Variants in HS3ST2 observed in about 807,000 individuals in gnomAD.
The protein encoded by HS3ST2 is heparan sulfate glucosamine 3-O-sulfotransferase 2.
Under a neutral mutation model 26.3 loss-of-function variants are expected in HS3ST2, and 17 were observed. The ratio of observed to expected loss-of-function variants is 0.65; its 90% CI spans 0.44 to 0.97. The LOEUF is 0.97. Among genes scored for constraint, HS3ST2 ranks in the 50% least tolerant of loss-of-function variants. The pLI is 0.00. For synonymous variants in HS3ST2, 237 were observed against 219.2 expected, an observed-to-expected ratio of 1.08 and a Z score of -0.72; for missense variants, 402 against 501.2, an observed-to-expected ratio of 0.80 and a Z score of 1.89.
At chr16:22,901,516 C>T (rs961364726) in intron 1 of HS3ST2, among the ~76,000 whole-genome samples, 1 of 152,124 alleles carries the variant, frequency 6.6e-6, no homozygotes, top group Non-Finnish European at 1.5e-5. Context: ...TTATGGGGTC[C>T]ACTTCCAGGG....
Position 22,814,282 on chromosome 16 carries a change from G to T in HS3ST2, c.-329G>T. ...GAGCGGCGCTCCGAGGATCAGGAAT[G>T]GGGCTTCGGGCGCTGGGCGCGCTCC... On this transcript the variant is annotated 5_prime_UTR_variant, in exon 1 of 2. It removes an upstream start codon present in the reference 5' UTR. Transcript: ENST00000261374. The T allele has an allele frequency of 3.9e-6, 1 of 256,972 alleles. No homozygotes were observed. The highest frequency in any genetic ancestry group is 1.1e-3 in the Middle Eastern group (1 of 888). The allele number at this position is 256,972 out of a possible 1,614,324, so 15.9% of individuals were successfully genotyped here.
At chr16:22,914,440 A>G (rs941265517) in intron 1 of HS3ST2, among the ~76,000 whole-genome samples, 5 of 151,940 alleles carry the variant, frequency 3.3e-5, no homozygotes, top group African/African-American at 1.2e-4. Flanking sequence ...AAATAAGAAA[A>G]AAAGCCTGTA....
intron 1 of HS3ST2, among the ~76,000 whole-genome samples, chr16:22,867,034 G>A: frequency 6.6e-6 from 1 of 152,194 alleles, no homozygotes; most frequent in Non-Finnish European, 1.5e-5. Flanking sequence ...TGAACATGGA[G>A]AGTAGGATTA....
chr16:22,893,891 G>T (rs1166724621), intron 1 of HS3ST2, among the ~76,000 whole-genome samples: 7 of 152,062 alleles, frequency 4.6e-5, no homozygotes, highest in Admixed American at 2.6e-4. Flanking sequence ...AGGCTCAAGC[G>T]ATCTTCCACC....
intron 1 of HS3ST2, among the ~76,000 whole-genome samples, chr16:22,855,265 C>A (rs1412381223): frequency 6.6e-6 from 1 of 152,112 alleles, no homozygotes; most frequent in Non-Finnish European, 1.5e-5. Flanking sequence ...ATGGATTCTT[C>A]TAGTAGTTTC....
intron 1 of HS3ST2, among the ~76,000 whole-genome samples, chr16:22,856,397 A>G (rs761684842): frequency 9.2e-5 from 14 of 152,214 alleles, no homozygotes; most frequent in Admixed American, 3.9e-4. Flanking sequence ...GTGACCTGCA[A>G]TTCCTTTCCC....
chr16:22,898,120 T>C (rs556475562), intron 1 of HS3ST2, among the ~76,000 whole-genome samples: 1 of 152,300 alleles, frequency 6.6e-6, no homozygotes, highest in South Asian at 2.1e-4. Context: ...ATTTGGTGGG[T>C]ATGATTCATT....
intron 1 of HS3ST2, among the ~76,000 whole-genome samples, chr16:22,900,047 C>T (rs1902263029): frequency 6.6e-6 from 1 of 152,192 alleles, no homozygotes; most frequent in African/African-American, 2.4e-5. Flanking sequence ...TCCTGGCACC[C>T]AGTGTTGCCT....
rs2141170994 is a variant in HS3ST2, at chr16:22,814,868, C to T, written c.258C>T (p.Pro86=). 1 of 1,559,266 alleles carries T rather than the reference C, an allele frequency of 6.4e-7. No individual in the cohort carries two copies. ...CGACGCCCAGCGAGCCCAGCGCTCC[C>T]AGCGCGCCCGCCGCCGCCGTGCCCG... The part of the protein sequence containing the change: ...SGPTPSEPSA[P]SAPAAAVPAP... Residue 86 remains proline, a synonymous_variant, in exon 1 of 2, where the codon CCC becomes CCT. Transcript: ENST00000261374.
chr16:22,876,508 T>C (rs1487004362), intron 1 of HS3ST2, among the ~76,000 whole-genome samples: 1 of 152,156 alleles, frequency 6.6e-6, no homozygotes, highest in Non-Finnish European at 1.5e-5. Context: ...GATGTTGGCA[T>C]GGATATGGTG....
chr16:22,887,149 C>A (rs910881502), intron 1 of HS3ST2, among the ~76,000 whole-genome samples: 11 of 152,244 alleles, frequency 7.2e-5, no homozygotes, highest in Non-Finnish European at 1.6e-4. Context: ...TCTATTCCCC[C>A]AAAGGCCATT....
At chr16:22,821,217 G>C (rs1900985856) in intron 1 of HS3ST2, among the ~76,000 whole-genome samples, 1 of 152,054 alleles carries the variant, frequency 6.6e-6, no homozygotes. Context: ...TGTCCTTCAT[G>C]GCCTGCTGTA....
At chr16:22,895,725 T>G (rs1234558199) in intron 1 of HS3ST2, among the ~76,000 whole-genome samples, 2 of 152,188 alleles carry the variant, frequency 1.3e-5, no homozygotes, top group Admixed American at 1.3e-4. Flanking sequence ...TTTTCTGCTT[T>G]CTTATCCCCT....
chr16:22,854,249 C>T (rs1901558753), intron 1 of HS3ST2, among the ~76,000 whole-genome samples: 1 of 152,168 alleles, frequency 6.6e-6, no homozygotes. Flanking sequence ...TGAGGCCAGG[C>T]TGACTTTATC....
At chr16:22,821,901 G>A (rs531028143) in intron 1 of HS3ST2, among the ~76,000 whole-genome samples, 13 of 152,250 alleles carry the variant, frequency 8.5e-5, no homozygotes, top group South Asian at 6.2e-4. Flanking sequence ...ATCTGGAGCC[G>A]GAGCATCACG....
intron 1 of HS3ST2, among the ~76,000 whole-genome samples, chr16:22,877,838 A>G (rs1367765813): frequency 6.6e-6 from 1 of 152,200 alleles, no homozygotes; most frequent in Admixed American, 6.5e-5. Flanking sequence ...AATGAGTGCA[A>G]CAATACGGGT....
intron 1 of HS3ST2, among the ~76,000 whole-genome samples, chr16:22,825,147 C>T (rs116966151): frequency 4.1e-4 from 63 of 152,300 alleles, no homozygotes; most frequent in South Asian, 8.3e-4. Context: ...CTCAGCTCCA[C>T]CACATGCAAG....
chr16:22,814,782 G>C lies in HS3ST2; in HGVS notation c.172G>C (p.Gly58Arg), dbSNP rs776465899. ...RLLGAPRCLR[G>R]PSAGGQKLLQ... ...CCTCGGCGCGCCTCGCTGCCTCCGC[G>C]GCCCCAGCGCGGGCGGCCAGAAACT... Residue 58 changes from glycine (G) to arginine (R), a missense_variant, in exon 1 of 2, where the codon GGC (glycine) becomes CGC (arginine). Coordinates refer to ENST00000261374, the MANE Select transcript of HS3ST2 (RefSeq NM_006043.2). The C allele has an allele frequency of 6.3e-7, 1 of 1,599,988 alleles. No homozygotes were observed. Among genetic ancestry groups the C allele is most frequent in the South Asian group, 1.1e-5 (1 of 89,246 alleles).
intron 1 of HS3ST2, among the ~76,000 whole-genome samples, chr16:22,870,885 A>G (rs1377348838): frequency 6.6e-6 from 1 of 152,178 alleles, no homozygotes; most frequent in Non-Finnish European, 1.5e-5. Context: ...TAACTGTTAG[A>G]TATAGATGAT....
Sources: allele counts gnomAD v4.1 joint callset (sites outside exome capture counted in the v4.1 genomes callset), GRCh38; gene constraint gnomAD v4.1.1; transcripts MANE v1.5; gene names NCBI Gene and HGNC (gene_info 2026-07-23, HGNC 2026-07-21).